The following GLP1R variants were observed in gnomAD, a reference collection of about 807,000 sequenced individuals.
GLP1R encodes the protein glucagon like peptide 1 receptor, also known as glucagon-like peptide 1 receptor.
In GLP1R, 32 loss-of-function variants were observed where a neutral mutation model predicts 68.4. The observed-to-expected ratio is 0.47, with a 90% CI of 0.35 to 0.63. The LOEUF (loss-of-function observed/expected upper bound fraction) is 0.63. Ranked by LOEUF, GLP1R falls within the 20% of genes least tolerant of loss-of-function variation. The pLI is 0.00. For missense variants in GLP1R, 502 were observed against 594.9 expected (o/e 0.84, Z 1.62); for synonymous variants, 263 against 244.4 (o/e 1.08, Z -0.71).
At chr6:39,059,181 G>A (rs1277398645) in intron 3 of GLP1R, among the ~76,000 whole-genome samples, 1 of 152,192 alleles carries the variant, frequency 6.6e-6, no homozygotes, top group African/African-American at 2.4e-5. Context: ...CTCCAATACT[G>A]CCTGTTGGAA....
At chr6:39,066,157 TG>T in intron 4 of GLP1R, 39 bp from the exon 5 acceptor site, 1 of 1,170,492 alleles carries the variant, frequency 8.5e-7, no homozygotes, top group Non-Finnish European at 1.3e-6. Context: ...AAGAGGGCCA[TG>T]GGCTGCCCAT....
At chr6:39,066,140 T>G in intron 4 of GLP1R, 57 bp from the exon 5 acceptor site, 3 of 968,428 alleles carry the variant, frequency 3.1e-6, no homozygotes, top group South Asian at 1.5e-5. Flanking sequence ...GGAAGGAAGA[T>G]TGTGGGAAGA....
chr6:39,070,663 G>C (rs1344720276), intron 5 of GLP1R, among the ~76,000 whole-genome samples: 1 of 152,118 alleles, frequency 6.6e-6, no homozygotes, highest in African/African-American at 2.4e-5. Flanking sequence ...ATGTGAAATT[G>C]CCTTATGATT....
rs988635428 is a variant in GLP1R at position 39,065,648 on chromosome 6, T to A, written c.284-63T>A. 8 of 991,706 alleles carry A rather than the reference T, an allele frequency of 8.1e-6. No individual in the cohort carries two copies. In the Admixed American group the frequency reaches 1.0e-4, roughly 13 times the overall value. 61.4% of individuals were successfully genotyped at this position (991,706 alleles called of 1,614,324 possible). A position where few individuals can be genotyped will look rare whatever the true frequency, so the allele number is the denominator to read the frequency against. Reference sequence around the variant, plus strand: ...CTCAGAATGGGGAGGAAGGGGAGCATCTAGCACTGGGCAGGCTGCCCTATT... The same window carrying A: ...CTCAGAATGGGGAGGAAGGGGAGCAACTAGCACTGGGCAGGCTGCCCTATT... On this transcript the variant is annotated intron_variant, in intron 3 of 12. Coordinates refer to ENST00000373256, the MANE Select transcript of GLP1R (RefSeq NM_002062.5).
intron 7 of GLP1R, 54 bp downstream of exon 7, chr6:39,073,823 G>A: frequency 6.6e-7 from 1 of 1,518,780 alleles, no homozygotes; most frequent in Non-Finnish European, 9.1e-7. Context: ...GGGAGACCTT[G>A]ACCCCTCTTC....
intron 5 of GLP1R, among the ~76,000 whole-genome samples, chr6:39,072,648 G>T (rs140032413): frequency 1.3e-5 from 2 of 152,336 alleles, no homozygotes; most frequent in East Asian, 3.9e-4. Flanking sequence ...AGGGGGCAGT[G>T]ACTACATAGC....
At chr6:39,071,172 C>T (rs914078309) in intron 5 of GLP1R, among the ~76,000 whole-genome samples, 53 of 151,800 alleles carry the variant, frequency 3.5e-4, no homozygotes, top group Non-Finnish European at 2.9e-5. Context: ...CAGTGGAACC[C>T]CATCTCTACT....
Position 39,091,058 on chromosome 6 carries a change from C to G in GLP1R, c.*4985C>G, listed in dbSNP as rs768040333. On this transcript the variant is annotated 3_prime_UTR_variant, in exon 13 of 13. Coordinates refer to ENST00000373256, the MANE Select transcript of GLP1R (RefSeq NM_002062.5). ...TTAAATGCACCAACAGAGAGGTAAG[C>G]CAAGCTCTCAGGAGGGACAAAGATA... is the stretch of plus-strand genomic sequence containing the variant. Among the ~76,000 whole-genome samples the G allele has an allele frequency of 2.6e-5, 4 of 152,158 alleles. No individual in the cohort carries two copies. Among genetic ancestry groups the G allele is most frequent in the Non-Finnish European group, 5.9e-5 (4 of 68,032 alleles).
chr6:39,065,831 T>A lies in GLP1R; in HGVS notation c.402+2T>A. 6.4e-7 allele frequency: 1 copy of A among 1,552,986 alleles called. No homozygotes were observed. Among genetic ancestry groups the A allele is most frequent in the Non-Finnish European group, 8.9e-7 (1 of 1,127,382 alleles). On this transcript the variant is annotated splice_donor_variant, in intron 4 of 12. Coordinates refer to ENST00000373256, the MANE Select transcript of GLP1R (RefSeq NM_002062.5). LOFTEE classifies it high-confidence loss of function. ...GAGGAGTCCAAGCGAGGGGAAAGAG[T>A]GAGTTGAGGCGGGGTTCTGAGCCAG...
chr6:39,054,035 C>T (rs2268652), intron 1 of GLP1R, among the ~76,000 whole-genome samples: 10,778 of 152,094 alleles, frequency 0.071, 532 homozygotes, highest in African/African-American at 0.13. Context: ...CCCAGTCTGC[C>T]TCCAACCCCC....
rs1768922967 is a variant in GLP1R, at chr6:39,079,205, T to TG, written c.1043+6dup. 1 of 1,601,624 alleles carries TG rather than the reference T, an allele frequency of 6.2e-7. No individual in the cohort carries two copies. Among genetic ancestry groups the TG allele is most frequent in the South Asian group, 1.1e-5 (1 of 90,820 alleles). On this transcript the variant is annotated splice_donor_region_variant and intron_variant, in intron 10 of 12. Coordinates refer to ENST00000373256, the MANE Select transcript of GLP1R (RefSeq NM_002062.5). The surrounding 1 kb of genome is among the most constrained non-coding windows in gnomAD (Gnocchi z 4.5). ...CAAGACAGACATCAAATGCAGGTGATGTAACTGAGCTGGCTTTACTGAGGA... is the reference window on the plus strand; with the variant it reads ...CAAGACAGACATCAAATGCAGGTGATGGTAACTGAGCTGGCTTTACTGAGGA...
At position 39,086,390 on chromosome 6, in the gene GLP1R, G is replaced by GT. The variant is rs1006558722; in HGVS notation, c.*319dup. 3.6e-6 allele frequency: 1 copy of GT among 278,080 alleles called. No individual in the cohort carries two copies. The highest frequency in any genetic ancestry group is 2.2e-5 in the African/African-American group (1 of 45,520). The allele number at this position is 278,080 out of a possible 1,614,324, so 17.2% of individuals were successfully genotyped here. On this transcript the variant is annotated 3_prime_UTR_variant, in exon 13 of 13. Transcript: ENST00000373256. This position sits in a 1 kb window ranked among gnomAD's most constrained non-coding sequence, Gnocchi z 4.5. ...TCTTGTGAAACCACAGGCCCTTGGG[G>GT]TTCCCCCAGACAGAGCCGCAAATCA... is the stretch of plus-strand genomic sequence containing the variant.
rs1195796429 is a variant in GLP1R, at chr6:39,049,372, A to G, written c.78+454A>G. Among the ~76,000 whole-genome samples, 1 of 152,052 alleles carries G rather than the reference A, an allele frequency of 6.6e-6. No homozygotes were observed. The highest frequency in any genetic ancestry group is 2.4e-5 in the African/African-American group (1 of 41,418). On this transcript the variant is annotated intron_variant, in intron 1 of 12. Transcript: ENST00000373256. The surrounding 1 kb of genome is among the most constrained non-coding windows in gnomAD (Gnocchi z 4.5). Reference sequence around the variant, plus strand: ...CCTCCCCAGACAATCCACCTGCTCAAAGACCCTGAGAAGACCCTGGGAGGA... The same window carrying G: ...CCTCCCCAGACAATCCACCTGCTCAGAGACCCTGAGAAGACCCTGGGAGGA...
In GLP1R at chr6:39,090,161, C is replaced by T. The variant is rs1313329949; in HGVS notation, c.*4088C>T. On this transcript the variant is annotated 3_prime_UTR_variant, in exon 13 of 13. Transcript: ENST00000373256. Reference sequence around the variant, plus strand: ...ATCAGCTCTCTGGGTCTGCAGAGGGCCGAGACAGGAAGCATTATTAAGCAG... The same window carrying T: ...ATCAGCTCTCTGGGTCTGCAGAGGGTCGAGACAGGAAGCATTATTAAGCAG... Among the ~76,000 whole-genome samples, 1 of 152,180 alleles carries T rather than the reference C, an allele frequency of 6.6e-6. No individual in the cohort carries two copies. Among genetic ancestry groups the T allele is most frequent in the African/African-American group, 2.4e-5 (1 of 41,434 alleles).
Position 39,048,886 on chromosome 6 carries a change from G to T in GLP1R, c.46G>T (p.Gly16Trp). 1 of 1,483,254 alleles carries T rather than the reference G, an allele frequency of 6.7e-7. No individual in the cohort carries two copies. The highest frequency in any genetic ancestry group is 8.9e-7 in the Non-Finnish European group (1 of 1,125,032). The allele number at this position is 1,483,254 out of a possible 1,614,324, so 91.9% of individuals were successfully genotyped here. Residue 16 changes from glycine to tryptophan, a missense_variant, in exon 1 of 13, where the codon GGG becomes TGG. By Grantham distance (184) the Gly-to-Trp change is radical (BLOSUM62 -2). Transcript: ENST00000373256. ...GPLRLALLLL[G>W]MVGRAGPRPQ... The stretch of plus-strand genomic sequence containing the variant: ...GCTGCGCCTTGCGCTGCTGCTGCTC[G>T]GGATGGTGGGCAGGGCCGGCCCCCG...
chr6:39,054,544 C>T (rs1173024843), intron 1 of GLP1R, among the ~76,000 whole-genome samples: 3 of 149,968 alleles, frequency 2.0e-5, no homozygotes, highest in Non-Finnish European at 4.4e-5. Context: ...GTCCACAGCT[C>T]TGCTCAGAGT....
intron 3 of GLP1R, 138 bp downstream of exon 3, chr6:39,057,717 C>T (rs1041033867): frequency 1.3e-5 from 8 of 602,602 alleles, no homozygotes; most frequent in Non-Finnish European, 2.4e-5. Flanking sequence ...CAGTGGTGAG[C>T]CCCCTCCCTG....
In GLP1R at chr6:39,079,887, A is replaced by G. The variant is rs1370531729; in HGVS notation, c.1182+185A>G. Among the ~76,000 whole-genome samples the G allele has an allele frequency of 6.6e-6, 1 of 152,198 alleles. No individual in the cohort carries two copies. Among genetic ancestry groups the G allele is most frequent in the Non-Finnish European group, 1.5e-5 (1 of 68,030 alleles). ...CCCCAGGTGTCCCAATACCTGGGCCAGTCTTCTCTGTAAGCACATGGGACA... is the reference window on the plus strand; with the variant it reads ...CCCCAGGTGTCCCAATACCTGGGCCGGTCTTCTCTGTAAGCACATGGGACA... On this transcript the variant is annotated intron_variant, in intron 11 of 12. Coordinates refer to ENST00000373256, the MANE Select transcript of GLP1R (RefSeq NM_002062.5). The surrounding 1 kb of genome is among the most constrained non-coding windows in gnomAD (Gnocchi z 4.5).
intron 11 of GLP1R, 116 bp from the exon 12 acceptor site, chr6:39,080,582 G>T (rs542920782): frequency 3.1e-6 from 2 of 644,444 alleles, no homozygotes; most frequent in South Asian, 2.0e-5. Flanking sequence ...TGCCTGGGCC[G>T]CTGGATTTGG....
Sources: gnomAD v4.1 joint callset for allele counts (sites outside exome capture counted in the v4.1 genomes callset) on GRCh38, gnomAD v4.1.1 for gene constraint, Gnocchi (gnomAD v3.1) non-coding constraint, MANE v1.5 for transcripts, NCBI Gene and HGNC (gene_info 2026-07-23, HGNC 2026-07-21) for gene names.